Variants in CCDC198 observed in about 807,000 individuals in gnomAD.
CCDC198 encodes the protein coiled-coil domain containing 198.
Under a neutral mutation model 35.6 loss-of-function variants are expected in CCDC198, and 18 were observed. The observed-to-expected ratio is 0.51, with a 90% confidence interval of 0.35 to 0.75. The LOEUF (loss-of-function observed/expected upper bound fraction) is 0.75, where lower values mean the gene tolerates loss of function less well. CCDC198 is among the 30% of genes least tolerant of loss of function. The pLI is 0.01. For missense variants in CCDC198, 365 were observed against 343.7 expected, an observed-to-expected ratio of 1.06 and a Z score of -0.49; for synonymous variants, 119 against 113.4, an observed-to-expected ratio of 1.05 and a Z score of -0.31.
intron 2 of CCDC198, among the ~76,000 whole-genome samples, chr14:57,488,063 C>T (rs987914058): frequency 6.6e-6 from 1 of 152,156 alleles, no homozygotes; most frequent in Non-Finnish European, 1.5e-5. Context: ...GATATCCTTT[C>T]TCCTAGGAAT....
In CCDC198 at chr14:57,475,911, C is replaced by T. The variant is rs111303660; in HGVS notation, c.656-4321G>A. On this transcript the variant is annotated intron_variant, in intron 5 of 5. Coordinates refer to ENST00000216445, the MANE Select transcript of CCDC198 (RefSeq NM_018168.4). ...CTGCCTCTCAGGTTCAAGTAATTCT[C>T]GTGCCTCAGCCTCCCCAGTAGTTGG... Among the ~76,000 whole-genome samples the T allele has an allele frequency of 1.4e-5, 2 of 142,420 alleles. 1 individual carries two copies. The highest frequency in any genetic ancestry group is 5.1e-5 in the African/African-American group (2 of 39,088). 93.4% of individuals were successfully genotyped at this position (142,420 alleles called of 152,430 possible). A position where few individuals can be genotyped will look rare whatever the true frequency, so the allele number is the denominator to read the frequency against.
chr14:57,491,129 C>G (rs1249497293), intron 1 of CCDC198, 58 bp from the exon 2 acceptor site: 8 of 1,534,252 alleles, frequency 5.2e-6, no homozygotes, highest in Non-Finnish European at 6.3e-6. Context: ...ACTATTAAAT[C>G]AGGCAATCAT....
At chr14:57,475,226 A>T (rs926787387) in intron 5 of CCDC198, 15 of 472,126 alleles carry the variant, frequency 3.2e-5, no homozygotes, top group Non-Finnish European at 3.6e-5. Context: ...GTGCCACTGC[A>T]CTCCAGCCTG....
intron 2 of CCDC198, among the ~76,000 whole-genome samples, chr14:57,485,500 A>G (rs1054205834): frequency 3.9e-5 from 6 of 152,212 alleles, no homozygotes; most frequent in African/African-American, 1.2e-4. Context: ...GATTTGTTGC[A>G]TTATTAAGGG....
intron 2 of CCDC198, among the ~76,000 whole-genome samples, chr14:57,483,963 A>G (rs1323250320): frequency 6.6e-6 from 1 of 152,240 alleles, no homozygotes; most frequent in Admixed American, 6.5e-5. Context: ...TGGAGCTTAC[A>G]ATCTATGCAT....
chr14:57,492,970 G>A (rs1209905970), intron 1 of CCDC198, among the ~76,000 whole-genome samples: 2 of 152,000 alleles, frequency 1.3e-5, no homozygotes, highest in African/African-American at 4.8e-5. Context: ...GTGGGGTTGG[G>A]AAAAGGGTGA....
At chr14:57,471,885 T>A (rs946819659) in intron 5 of CCDC198, among the ~76,000 whole-genome samples, 1 of 151,726 alleles carries the variant, frequency 6.6e-6, no homozygotes, top group African/African-American at 2.4e-5. Context: ...TACTTTTTCA[T>A]CATATATATG....
In CCDC198 at chr14:57,471,574, T is replaced by C; in HGVS notation, c.672A>G (p.Thr224=). The C allele has an allele frequency of 6.3e-7, 1 of 1,575,030 alleles. No individual in the cohort carries two copies. Among genetic ancestry groups the C allele is most frequent in the Non-Finnish European group, 8.6e-7 (1 of 1,159,612 alleles). Residue 224 remains threonine, a synonymous_variant, in exon 6 of 6, where the codon ACA becomes ACG. Coordinates refer to ENST00000216445, the MANE Select transcript of CCDC198 (RefSeq NM_018168.4). ...TCACTGCTTGATGTTTCAAAAATTCTGTATTCTTTGAATTTCCTACAAAAA... is the reference window on the plus strand; with the variant it reads ...TCACTGCTTGATGTTTCAAAAATTCCGTATTCTTTGAATTTCCTACAAAAA... ...LNRGPGNSKN[T]EFLKHQAVNN...
chr14:57,481,368 A>G (rs897066748), intron 4 of CCDC198, among the ~76,000 whole-genome samples, 191 bp downstream of exon 4: 2 of 152,240 alleles, frequency 1.3e-5, no homozygotes, highest in Non-Finnish European at 2.9e-5. Flanking sequence ...AACTTAGAAA[A>G]GACTCAACAA....
chr14:57,482,878 T>C (rs1258682462), intron 3 of CCDC198, among the ~76,000 whole-genome samples, 187 bp downstream of exon 3: 4 of 152,204 alleles, frequency 2.6e-5, no homozygotes, highest in African/African-American at 9.7e-5. Context: ...CCACTGCCAG[T>C]TGGAGGCATG....
chr14:57,480,597 G>A lies in CCDC198; in HGVS notation c.653C>T (p.Pro218Leu), dbSNP rs748829551. The change falls in exon 5 of 6, where the codon CCC becomes CTC. Residue 218 changes from proline to leucine, a missense_variant and splice_region_variant. Coordinates refer to ENST00000216445, the MANE Select transcript of CCDC198 (RefSeq NM_018168.4). ...CTAAAAAATTGTACATGACTCACCG[G>A]GACCTCTGTTCAAGATTTCATCAGG... ...MLPDEILNRGPGNSKNTEFLK... is the reference protein window; with the variant it reads ...MLPDEILNRGLGNSKNTEFLK... 1 of 1,613,488 alleles carries A rather than the reference G, an allele frequency of 6.2e-7. No homozygotes were observed.
At chr14:57,491,180 G>C in intron 1 of CCDC198, 109 bp from the exon 2 acceptor site, 2 of 1,071,132 alleles carry the variant, frequency 1.9e-6, no homozygotes, top group Non-Finnish European at 2.7e-6. Context: ...TACCTTTTCA[G>C]TTATATATGT....
intron 5 of CCDC198, among the ~76,000 whole-genome samples, chr14:57,476,140 A>G (rs2066989784): frequency 6.6e-6 from 1 of 151,972 alleles, no homozygotes; most frequent in East Asian, 1.9e-4. Flanking sequence ...GTGCTTTTAT[A>G]CATGTTAATT....
At chr14:57,493,457 C>T (rs780758526) in intron 1 of CCDC198, 36 bp downstream of exon 1, 3 of 1,531,912 alleles carry the variant, frequency 2.0e-6, no homozygotes, top group South Asian at 1.1e-5. Context: ...CTCCTTGGTC[C>T]AGATACACAC....
intron 2 of CCDC198, among the ~76,000 whole-genome samples, chr14:57,489,934 A>G (rs545305494): frequency 7.9e-5 from 12 of 152,288 alleles, no homozygotes; most frequent in Non-Finnish European, 1.3e-4. Context: ...TAAATTAGAT[A>G]TTAATTTGTT....
chr14:57,479,750 A>C (rs184846222), intron 5 of CCDC198, among the ~76,000 whole-genome samples: 10 of 152,332 alleles, frequency 6.6e-5, no homozygotes, highest in Admixed American at 4.6e-4. Context: ...TTAAACCCAG[A>C]GTACTGGGCA....
rs1158053136 is a variant in CCDC198 at position 57,471,467 on chromosome 14, C to T, written c.779G>A (p.Ser260Asn). ...CTGCTCATCTGAGTCAGAGCTGGAA[C>T]TGTCCCAGAGAAGCTGTCCCTGGGC... is the stretch of plus-strand genomic sequence containing the variant. ...QEAQGQLLWD[S>N]SSSDSDEQGK... Residue 260 changes from serine to asparagine, a missense_variant, in exon 6 of 6, where the codon AGT becomes AAT. Ser to Asn is a conservative substitution (Grantham distance 46, BLOSUM62 1). Transcript: ENST00000216445. 1 of 1,614,066 alleles carries T rather than the reference C, an allele frequency of 6.2e-7. No homozygotes were observed. Among genetic ancestry groups the T allele is most frequent in the South Asian group, 1.1e-5 (1 of 91,082 alleles).
At chr14:57,483,905 G>A (rs963187786) in intron 2 of CCDC198, among the ~76,000 whole-genome samples, 1 of 152,194 alleles carries the variant, frequency 6.6e-6, no homozygotes, top group Non-Finnish European at 1.5e-5. Context: ...ACTGCTACAT[G>A]CCAGACATGG....
At chr14:57,483,248 G>C in intron 2 of CCDC198, 97 bp from the exon 3 acceptor site, 2 of 1,572,308 alleles carry the variant, frequency 1.3e-6, no homozygotes, top group Middle Eastern at 3.4e-4. Flanking sequence ...CTTTGCAAAA[G>C]CGGCACTTAT....
Sources: gnomAD v4.1 joint callset for allele counts (sites outside exome capture counted in the v4.1 genomes callset) on GRCh38, gnomAD v4.1.1 for gene constraint, MANE v1.5 for transcripts, NCBI Gene and HGNC (gene_info 2026-07-23, HGNC 2026-07-21) for gene names.